Variants in PTGES3 observed in about 807,000 individuals in gnomAD.
PTGES3 encodes Hsp90 co-chaperone.
PTGES3 carries 5 observed loss-of-function variants against 29.9 expected under a neutral mutation model. That is an observed-to-expected ratio of 0.17 (90% CI 0.09 to 0.35). The LOEUF (loss-of-function observed/expected upper bound fraction) is 0.35. Ranked by LOEUF, PTGES3 falls within the 10% of genes least tolerant of loss-of-function variation. PTGES3 has a pLI of 1.00. For synonymous variants in PTGES3, 49 were observed against 57.8 expected (o/e 0.85, Z 0.69); for missense variants, 128 against 190.0 (o/e 0.67, Z 1.92).
In PTGES3 at chr12:56,664,738, AG is replaced by A. The variant is rs367864432; in HGVS notation, c.463+37del. 1,019 of 1,567,304 alleles carry A rather than the reference AG, an allele frequency of 6.5e-4. 14 individuals are homozygous for A. The South Asian group carries it at 0.011, about 17-fold the overall frequency. ...ATTTTGAGTTTGTTTTTTGATGCAAAGTATCACTGTATAAACATACTTTTTA... is the reference window on the plus strand; with the variant it reads ...ATTTTGAGTTTGTTTTTTGATGCAAATATCACTGTATAAACATACTTTTTA... On this transcript the variant is annotated intron_variant, in intron 7 of 7. Transcript: ENST00000262033.
At chr12:56,684,563 G>C (rs567752621) in intron 1 of PTGES3, among the ~76,000 whole-genome samples, 16 of 152,154 alleles carry the variant, frequency 1.1e-4, no homozygotes, top group Non-Finnish European at 1.9e-4. Context: ...AATCAGAGAC[G>C]CAAGTTTCTG....
At chr12:56,683,711 G>A (rs1337686735) in intron 1 of PTGES3, among the ~76,000 whole-genome samples, 1 of 151,148 alleles carries the variant, frequency 6.6e-6, no homozygotes, top group Non-Finnish European at 1.5e-5. Context: ...TGTAATCCCA[G>A]CACTTTGGGA....
chr12:56,679,966 C>G (rs1220432083), intron 1 of PTGES3, among the ~76,000 whole-genome samples: 1 of 152,128 alleles, frequency 6.6e-6, no homozygotes, highest in Non-Finnish European at 1.5e-5. Context: ...TGAGCCACCG[C>G]ACCCAGCCCT....
intron 4 of PTGES3, chr12:56,670,613 A>C (rs1397531847): frequency 6.8e-6 from 3 of 440,894 alleles, no homozygotes; most frequent in Non-Finnish European, 1.3e-5. Flanking sequence ...CTGGGACAAC[A>C]CCGTACTGAT....
rs547952328 is a variant in PTGES3 at position 56,681,060 on chromosome 12, C to T, written c.2+6938G>A. On this transcript the variant is annotated intron_variant, in intron 1 of 7. Coordinates refer to ENST00000262033, the MANE Select transcript of PTGES3 (RefSeq NM_006601.7). Reference sequence around the variant, plus strand: ...GTGCTGGGATTACAGGTGTGAGTCACCATACCTGGTCCCCCCATTTGTAGT... The same window carrying T: ...GTGCTGGGATTACAGGTGTGAGTCATCATACCTGGTCCCCCCATTTGTAGT... 3.3e-5 allele frequency among the ~76,000 whole-genome samples: 5 copies of T among 152,202 alleles called. No homozygotes were observed. The Middle Eastern group carries it at 0.01, about 311-fold the overall frequency.
chr12:56,687,578 G>A (rs1432908035), intron 1 of PTGES3: 4 of 1,037,300 alleles, frequency 3.9e-6, no homozygotes, highest in East Asian at 8.5e-5. Flanking sequence ...AGGTGCACTC[G>A]ACTCAGGGCC....
chr12:56,688,268 A>G lies in PTGES3; in HGVS notation c.-269T>C, dbSNP rs1952985658. ...ACGGAGAATGAACGTGCGTGCGTGC[A>G]AACGAGGGGTGGTGAGGCCGGGCGG... On this transcript the variant is annotated 5_prime_UTR_variant, in exon 1 of 8. Coordinates refer to ENST00000262033, the MANE Select transcript of PTGES3 (RefSeq NM_006601.7). The G allele has an allele frequency of 5.6e-6, 3 of 535,306 alleles. No individual in the cohort carries two copies. Among genetic ancestry groups the G allele is most frequent in the Non-Finnish European group, 6.0e-6 (2 of 333,554 alleles). 33.2% of individuals were successfully genotyped at this position (535,306 alleles called of 1,614,324 possible).
chr12:56,687,801 G>C, intron 1 of PTGES3, 197 bp downstream of exon 1: 6 of 1,433,320 alleles, frequency 4.2e-6, no homozygotes, highest in Non-Finnish European at 5.5e-6. Context: ...TTCAGGGGTG[G>C]GGGAAGCAGA....
intron 1 of PTGES3, among the ~76,000 whole-genome samples, chr12:56,678,720 G>C (rs1292548059): frequency 7.2e-5 from 11 of 152,258 alleles, no homozygotes; most frequent in Admixed American, 4.6e-4. Flanking sequence ...CTAACAAAGA[G>C]ACCTTTTAGA....
At position 56,688,017 on chromosome 12, in the gene PTGES3, G is replaced by T. The variant is rs189988970; in HGVS notation, c.-18C>A. The T allele has an allele frequency of 2.2e-4, 343 of 1,539,632 alleles. No individual in the cohort carries two copies. Among genetic ancestry groups the T allele is most frequent in the Middle Eastern group, 3.6e-4 (2 of 5,586 alleles). ...ACTCACATTGTGAACGGGGCAGGGG[G>T]ACGGGCGAACTGGTGGGCGGGCCTC... On this transcript the variant is annotated 5_prime_UTR_variant, in exon 1 of 8. Coordinates refer to ENST00000262033, the MANE Select transcript of PTGES3 (RefSeq NM_006601.7).
At chr12:56,674,855 T>A (rs796650148) in intron 1 of PTGES3, among the ~76,000 whole-genome samples, 37 of 40,450 alleles carry the variant, frequency 9.1e-4, no homozygotes, top group East Asian at 2.7e-3. Context: ...AAAAAAAAAA[T>A]TCGCCAGGCG....
In PTGES3 at chr12:56,668,331, G is replaced by A. The variant is rs117985525; in HGVS notation, c.375+1944C>T. Among the ~76,000 whole-genome samples the A allele has an allele frequency of 1.0e-3, 156 of 152,286 alleles. 1 individual carries two copies. In the East Asian group the frequency reaches 0.019, roughly 18 times the overall value. ...CTAAATGTACCAAGCATAACGCTAC[G>A]TGCTTAAGATAAACAGCAAGAGAAA... On this transcript the variant is annotated intron_variant, in intron 5 of 7. Transcript: ENST00000262033.
chr12:56,665,900 CATG>C, intron 6 of PTGES3: 1 of 985,302 alleles, frequency 1.0e-6, no homozygotes, highest in Non-Finnish European at 1.2e-6. Flanking sequence ...GGATAACAGA[CATG>C]AGCCACCTCG....
At chr12:56,681,397 A>G (rs1952534225) in intron 1 of PTGES3, among the ~76,000 whole-genome samples, 1 of 151,718 alleles carries the variant, frequency 6.6e-6, no homozygotes, top group Admixed American at 6.6e-5. Context: ...AATTAGCCGG[A>G]TGAGGTGGCG....
intron 6 of PTGES3, chr12:56,665,452 G>T: frequency 3.3e-6 from 3 of 907,038 alleles, no homozygotes; most frequent in Non-Finnish European, 4.0e-6. Context: ...CCGCCACCAT[G>T]CCCGGCTAAT....
At chr12:56,686,332 G>C (rs529490106) in intron 1 of PTGES3, among the ~76,000 whole-genome samples, 1 of 151,946 alleles carries the variant, frequency 6.6e-6, no homozygotes, top group South Asian at 2.1e-4. Flanking sequence ...ACTTAGGAGA[G>C]CTTTCAAATA....
At chr12:56,678,457 G>A (rs1248307028) in intron 1 of PTGES3, among the ~76,000 whole-genome samples, 3 of 152,164 alleles carry the variant, frequency 2.0e-5, no homozygotes, top group African/African-American at 7.2e-5. Flanking sequence ...AATTACAGGA[G>A]TGAGCCACCA....
chr12:56,687,139 T>C (rs530654434), intron 1 of PTGES3: 1 of 882,444 alleles, frequency 1.1e-6, no homozygotes, highest in Admixed American at 4.8e-5. Flanking sequence ...TGCCATAGAA[T>C]CTGTATTCAC....
chr12:56,667,733 C>T (rs1440726493), intron 5 of PTGES3, among the ~76,000 whole-genome samples: 1 of 152,176 alleles, frequency 6.6e-6, no homozygotes, highest in Non-Finnish European at 1.5e-5. Flanking sequence ...ATTCCAATTA[C>T]ACAAAATGCA....
Sources: allele counts gnomAD v4.1 joint callset (sites outside exome capture counted in the v4.1 genomes callset), GRCh38; gene constraint gnomAD v4.1.1; transcripts MANE v1.5; gene names NCBI Gene and HGNC (gene_info 2026-07-23, HGNC 2026-07-21).